Variants in BICRA observed in about 807,000 individuals in gnomAD.
The protein encoded by BICRA is BRD4 interacting chromatin remodeling complex associated protein.
In BICRA, 31 loss-of-function variants were observed where a neutral mutation model predicts 96.9. The observed-to-expected ratio is 0.32, with a 90% confidence interval of 0.24 to 0.43. The LOEUF (loss-of-function observed/expected upper bound fraction) is 0.43, where lower values mean the gene tolerates loss of function less well. BICRA is among the 20% of genes least tolerant of loss of function. The probability of loss-of-function intolerance (pLI) is 1.00; values close to 1 mark genes in which losing one functional copy is unlikely to be tolerated. For synonymous variants in BICRA, 1,350 were observed against 1,071.8 expected, an observed-to-expected ratio of 1.26 and a Z score of -5.07; for missense variants, 2,283 against 2,190.3, an observed-to-expected ratio of 1.04 and a Z score of -0.84.
chr19:47,651,098 G>A (rs1031737307), intron 1 of BICRA, among the ~76,000 whole-genome samples: 2 of 151,932 alleles, frequency 1.3e-5, no homozygotes, highest in African/African-American at 2.4e-5. Flanking sequence ...GACCATTACC[G>A]TCGCCCCCTC....
intron 5 of BICRA, chr19:47,679,110 T>A (rs1972985691): frequency 4.9e-6 from 2 of 410,654 alleles, no homozygotes; most frequent in Non-Finnish European, 8.7e-6. Context: ...TTGCCCAGGC[T>A]GGTCTCAAAC....
intron 1 of BICRA, among the ~76,000 whole-genome samples, chr19:47,642,215 G>A (rs1228771720): frequency 6.6e-6 from 1 of 152,190 alleles, no homozygotes; most frequent in Non-Finnish European, 1.5e-5. Context: ...ATGCCATTAT[G>A]CAGATATAAT....
intron 1 of BICRA, among the ~76,000 whole-genome samples, chr19:47,668,033 A>G (rs1972808808): frequency 2.7e-5 from 4 of 149,782 alleles, no homozygotes. Flanking sequence ...AGTTCAGACC[A>G]GCCTGGCTGA....
In BICRA at chr19:47,695,081, G is replaced by A; in HGVS notation, c.3076+1G>A. The A allele has an allele frequency of 6.7e-7, 1 of 1,491,618 alleles. No homozygotes were observed. The highest frequency in any genetic ancestry group is 8.9e-7 in the Non-Finnish European group (1 of 1,129,460). 92.4% of individuals were successfully genotyped at this position (1,491,618 alleles called of 1,614,324 possible). On this transcript the variant is annotated splice_donor_variant, in intron 9 of 14. Coordinates refer to ENST00000594866, the MANE Select transcript of BICRA (RefSeq NM_001394372.1). LOFTEE classifies it high-confidence loss of function. ...GCCCCGGCACCCATGGCCGCCACAG[G>A]TAGGAGAGAGGTCGCCTATGTGCCC... is the stretch of plus-strand genomic sequence containing the variant.
intron 1 of BICRA, among the ~76,000 whole-genome samples, chr19:47,664,990 T>C (rs1972755759): frequency 6.6e-6 from 1 of 152,116 alleles, no homozygotes; most frequent in Non-Finnish European, 1.5e-5. Flanking sequence ...GGTGACAATT[T>C]TGGGTCCGCA....
At chr19:47,696,897 G>GA (rs908715990) in intron 11 of BICRA, among the ~76,000 whole-genome samples, 7 of 152,030 alleles carry the variant, frequency 4.6e-5, no homozygotes, top group Admixed American at 1.3e-4. Flanking sequence ...ATGATGGGGG[G>GA]GGTGTTTGGG....
chr19:47,656,093 C>CACACAG (rs1257823618), intron 1 of BICRA, among the ~76,000 whole-genome samples: 1 of 130,298 alleles, frequency 7.7e-6, no homozygotes, highest in Admixed American at 8.2e-5. Context: ...CACACACACA[C>CACACAG]ACACACACAC....
rs868691677 is a variant in BICRA at position 47,680,632 on chromosome 19, G to A, written c.1462G>A (p.Ala488Thr). 1 of 1,609,890 alleles carries A rather than the reference G, an allele frequency of 6.2e-7. No individual in the cohort carries two copies. Among genetic ancestry groups the A allele is most frequent in the South Asian group, 1.1e-5 (1 of 90,876 alleles). ...PAVQLPQQLS[A>T]LPANVGGQIL... Reference sequence around the variant, plus strand: ...GGTCCAGCTCCCGCAGCAGCTCTCAGCCCTGCCGGCCAACGTGGGCGGGCA... The same window carrying A: ...GGTCCAGCTCCCGCAGCAGCTCTCAACCCTGCCGGCCAACGTGGGCGGGCA... The change falls in exon 6 of 15, where the codon GCC (alanine) becomes ACC (threonine). Residue 488 changes from alanine (A) to threonine (T), a missense_variant. Ala to Thr is a moderately conservative substitution (Grantham distance 58). Coordinates refer to ENST00000594866, the MANE Select transcript of BICRA (RefSeq NM_001394372.1).
intron 1 of BICRA, among the ~76,000 whole-genome samples, chr19:47,616,619 A>G (rs1433720206): frequency 6.6e-6 from 1 of 151,248 alleles, no homozygotes; most frequent in South Asian, 2.1e-4. Flanking sequence ...AGCCAGGGCG[A>G]CAGAGCAAGA....
At chr19:47,647,898 G>T (rs997972053) in intron 1 of BICRA, among the ~76,000 whole-genome samples, 1 of 151,224 alleles carries the variant, frequency 6.6e-6, no homozygotes, top group African/African-American at 2.4e-5. Context: ...TTCGCGGGGG[G>T]AGTGGGGGGC....
chr19:47,653,013 TTC>T (rs1972562440), intron 1 of BICRA, among the ~76,000 whole-genome samples: 1 of 148,454 alleles, frequency 6.7e-6, no homozygotes, highest in South Asian at 2.1e-4. Context: ...AACGTCCTCA[TTC>T]TTTTTTTTTT....
chr19:47,647,307 G>C (rs1972474340), intron 1 of BICRA, among the ~76,000 whole-genome samples: 1 of 151,972 alleles, frequency 6.6e-6, no homozygotes, highest in Non-Finnish European at 1.5e-5. Context: ...TTCTACATGG[G>C]AGTGGAATTG....
At position 47,698,653 on chromosome 19, in the gene BICRA, A is replaced by G; in HGVS notation, c.3268A>G (p.Lys1090Glu). 1 of 1,569,244 alleles carries G rather than the reference A, an allele frequency of 6.4e-7. No individual in the cohort carries two copies. The highest frequency in any genetic ancestry group is 8.8e-7 in the Non-Finnish European group (1 of 1,142,830). ...KEACFLEHLH[K>E]HQGSVLHPDY... ...CCGCAGTTTCCTGGAGCATTTGCAC[A>G]AACACCAGGGCTCCGTCCTGCACCC... The change falls in exon 12 of 15, where the codon AAA (lysine) becomes GAA (glutamate). Residue 1090 changes from lysine (K) to glutamate (E), a missense_variant. Lys to Glu is a moderately conservative substitution (Grantham distance 56). Transcript: ENST00000594866. The surrounding 1 kb of genome is among the most constrained non-coding windows in gnomAD (Gnocchi z 4.8).
At position 47,702,395 on chromosome 19, in the gene BICRA, G is replaced by A. The variant is rs865867760; in HGVS notation, c.4663G>A (p.Ala1555Thr). 2.5e-5 allele frequency: 38 copies of A among 1,516,116 alleles called. No individual in the cohort carries two copies. The East Asian group carries it at 9.7e-4, about 39-fold the overall frequency. The allele number at this position is 1,516,116 out of a possible 1,614,324, so 93.9% of individuals were successfully genotyped here. A position where few individuals can be genotyped will look rare whatever the true frequency, so the allele number is the denominator to read the frequency against. ...PPSSHNGGLGARTLTR is the reference protein window; with the variant it reads ...PPSSHNGGLGTRTLTR Reference sequence around the variant, plus strand: ...CTCCAGTCACAACGGTGGCCTCGGCGCCAGGACGTTGACCAGATAACACCG... The same window carrying A: ...CTCCAGTCACAACGGTGGCCTCGGCACCAGGACGTTGACCAGATAACACCG... The change falls in exon 15 of 15, where the codon GCC becomes ACC. Residue 1555 changes from alanine (A) to threonine (T), a missense_variant. Ala to Thr is a moderately conservative substitution (Grantham distance 58). Coordinates refer to ENST00000594866, the MANE Select transcript of BICRA (RefSeq NM_001394372.1).
intron 1 of BICRA, among the ~76,000 whole-genome samples, chr19:47,644,175 G>A (rs1972423767): frequency 6.6e-6 from 1 of 151,582 alleles, no homozygotes; most frequent in Non-Finnish European, 1.5e-5. Flanking sequence ...TGCCCATGAT[G>A]CCCAGCTAAT....
At chr19:47,650,614 AT>A (rs1972526896) in intron 1 of BICRA, among the ~76,000 whole-genome samples, 1 of 152,114 alleles carries the variant, frequency 6.6e-6, no homozygotes, top group Non-Finnish European at 1.5e-5. Context: ...CCAACCCAAT[AT>A]AAAAGGTGTT....
At chr19:47,691,079 G>A (rs186571975) in intron 7 of BICRA, among the ~76,000 whole-genome samples, 26 of 152,304 alleles carry the variant, frequency 1.7e-4, no homozygotes, top group Admixed American at 1.5e-3. Context: ...TTAGCTAGGA[G>A]GTTCTAGCTC....
At position 47,679,776 on chromosome 19, in the gene BICRA, C is replaced by A; in HGVS notation, c.606C>A (p.Gly202=). The change falls in exon 6 of 15, where the codon GGC becomes GGA. Residue 202 remains glycine, a synonymous_variant. Transcript: ENST00000594866. ...LSVQPFLQPV[G]LGNVTLQPIP... is the part of the protein sequence containing the mutation. ...TGCAGCCCTTCCTGCAGCCTGTGGG[C>A]CTGGGCAATGTGACACTGCAGCCCA... 1 of 1,507,090 alleles carries A rather than the reference C, an allele frequency of 6.6e-7. No individual in the cohort carries two copies. Among genetic ancestry groups the A allele is most frequent in the Non-Finnish European group, 8.9e-7 (1 of 1,129,608 alleles). 93.4% of individuals were successfully genotyped at this position (1,507,090 alleles called of 1,614,324 possible). A position where few individuals can be genotyped will look rare whatever the true frequency, so the allele number is the denominator to read the frequency against.
At chr19:47,682,691 A>G (rs1421333234) in intron 7 of BICRA, among the ~76,000 whole-genome samples, 1 of 136,596 alleles carries the variant, frequency 7.3e-6, no homozygotes, top group Admixed American at 7.3e-5. Flanking sequence ...TTTTTTTTTG[A>G]AATGGAGTCT....
Sources: gnomAD v4.1 joint callset for allele counts (sites outside exome capture counted in the v4.1 genomes callset) on GRCh38, gnomAD v4.1.1 for gene constraint, Gnocchi (gnomAD v3.1) non-coding constraint, MANE v1.5 for transcripts, NCBI Gene and HGNC (gene_info 2026-07-23, HGNC 2026-07-21) for gene names.